C2CD3: variants seen among roughly 807,000 people sequenced by gnomAD.
C2CD3 encodes the protein C2 domain containing 3 centriole elongation regulator.
A neutral mutation model predicts 234.0 loss-of-function variants in C2CD3; 148 were observed. That is an observed-to-expected ratio of 0.63 (90% CI 0.55 to 0.72). The LOEUF is 0.72. C2CD3 is among the 30% of genes least tolerant of loss of function. The pLI, the probability that C2CD3 is intolerant of heterozygous loss-of-function variation, is 0.00. For synonymous variants in C2CD3, 1,000 were observed against 1,035.4 expected (o/e 0.97, Z 0.66); for missense variants, 2,577 against 2,811.5 (o/e 0.92, Z 1.89).
intron 28 of C2CD3, among the ~76,000 whole-genome samples, chr11:74,042,689 G>C (rs1388948403): frequency 6.6e-6 from 1 of 151,872 alleles, no homozygotes; most frequent in African/African-American, 2.4e-5. Flanking sequence ...GGAAGTGGAG[G>C]CTGCAGTGAG....
chr11:74,170,936 C>A lies in C2CD3; in HGVS notation c.-144G>T. ...TGGGAGGCAGGAAAAAGCGACTCTT[C>A]CTCTAACAGTCTCCGGAAAACGGTG... On this transcript the variant is annotated 5_prime_UTR_variant, in exon 1 of 33. Transcript: ENST00000334126. 6.6e-7 allele frequency: 1 copy of A among 1,507,604 alleles called. No individual in the cohort carries two copies. Among genetic ancestry groups the A allele is most frequent in the South Asian group, 1.2e-5 (1 of 80,606 alleles). The allele number at this position is 1,507,604 out of a possible 1,614,324, so 93.4% of individuals were successfully genotyped here.
chr11:74,064,524 C>G (rs1022289497), intron 24 of C2CD3, among the ~76,000 whole-genome samples: 5 of 152,160 alleles, frequency 3.3e-5, no homozygotes, highest in Non-Finnish European at 5.9e-5. Flanking sequence ...TCAATGCCAT[C>G]CACATCAAGC....
intron 32 of C2CD3, among the ~76,000 whole-genome samples, chr11:74,021,147 A>C (rs1441949842): frequency 1.3e-5 from 2 of 152,162 alleles, no homozygotes; most frequent in African/African-American, 2.4e-5. Context: ...GCTACTCAGG[A>C]GGCTGAGGCA....
chr11:74,037,234 A>T (rs184029735), intron 30 of C2CD3, among the ~76,000 whole-genome samples: 6 of 152,168 alleles, frequency 3.9e-5, no homozygotes, highest in East Asian at 1.9e-4. Context: ...CTAAGTCTGT[A>T]CCAGAAGCCC....
rs150116588 is a variant in C2CD3, at chr11:74,037,631, G to T, written c.5728C>A (p.Pro1910Thr). Residue 1910 changes from proline (P) to threonine (T), a missense_variant, in exon 30 of 33, where the codon CCC (proline) becomes ACC (threonine). Physicochemically the swap from Pro to Thr is conservative, Grantham distance 38 (BLOSUM62 -1). Transcript: ENST00000334126. ...FRQKLTKPFL[P>T]LSPQTQTAIS... ...GCCGTTTGAGTCTGAGGGCTGAGGG[G>T]TAGGAAAGGCTTGGTGAGCTTCTGG... is the stretch of plus-strand genomic sequence containing the variant. The T allele has an allele frequency of 1.2e-6, 2 of 1,614,136 alleles. No individual in the cohort carries two copies. The highest frequency in any genetic ancestry group is 1.1e-5 in the South Asian group (1 of 91,084).
At chr11:74,153,046 G>A (rs974653837) in intron 3 of C2CD3, among the ~76,000 whole-genome samples, 1 of 152,018 alleles carries the variant, frequency 6.6e-6, no homozygotes. Context: ...CCAACATAGC[G>A]AAACCCTGTC....
Position 74,057,524 on chromosome 11 carries a change from TC to T in C2CD3, c.4971del (p.Val1659TyrfsTer65). ...ACACAACAACTGGGTATCGATACTT[TC>T]CGCTCTGTCAAGGGGCTCCCTGAAA... ...LSLKGSPLTERKVSIPSCCVS... is the reference protein window; with the variant it reads ...LSLKGSPLTEXKVSIPSCCVS... On this transcript the variant is annotated frameshift_variant, in exon 25 of 33. Coordinates refer to ENST00000334126, the MANE Select transcript of C2CD3 (RefSeq NM_001286577.2). LOFTEE classifies it high-confidence loss of function. 1.2e-6 allele frequency: 2 copies of T among 1,614,184 alleles called. No homozygotes were observed. The highest frequency in any genetic ancestry group is 1.7e-6 in the Non-Finnish European group (2 of 1,180,012).
intron 1 of C2CD3, 115 bp downstream of exon 1, chr11:74,170,623 A>C: frequency 1.3e-3 from 1,300 of 1,004,382 alleles, no homozygotes; most frequent in Non-Finnish European, 1.8e-3. Flanking sequence ...TTCCCTGGCT[A>C]CTTCCTTCTT....
rs553207981 is a variant in C2CD3 at position 74,111,280 on chromosome 11, C to T, written c.1844-2128G>A. ...GGTGCAGAACCATGTACAGGTTGGGCAGCCCTAACCCCAAAACTCAAAATC... is the reference window on the plus strand; with the variant it reads ...GGTGCAGAACCATGTACAGGTTGGGTAGCCCTAACCCCAAAACTCAAAATC... On this transcript the variant is annotated intron_variant, in intron 11 of 32. Coordinates refer to ENST00000334126, the MANE Select transcript of C2CD3 (RefSeq NM_001286577.2). Among the ~76,000 whole-genome samples, 15 of 152,230 alleles carry T rather than the reference C, an allele frequency of 9.9e-5. No homozygotes were observed. The South Asian group carries it at 2.9e-3, about 29-fold the overall frequency.
At chr11:74,058,707 T>C (rs1316834184) in intron 24 of C2CD3, among the ~76,000 whole-genome samples, 4 of 152,010 alleles carry the variant, frequency 2.6e-5, no homozygotes, top group African/African-American at 9.7e-5. Flanking sequence ...GTTTCCAATG[T>C]GGGAGACTTG....
In C2CD3 at chr11:74,090,882, A is replaced by G. The variant is rs745838794; in HGVS notation, c.3572T>C (p.Val1191Ala). The G allele has an allele frequency of 6.2e-7, 1 of 1,614,062 alleles. No homozygotes were observed. Among genetic ancestry groups the G allele is most frequent in the Non-Finnish European group, 8.5e-7 (1 of 1,179,982 alleles). ...YRRSPRTAEG[V>A]LAARTVSISV... ...GATGGAAACAGTTCGGGCAGCAAGA[A>G]CTCCCTCTGCTGTTCTTGGACTACG... Residue 1191 changes from valine to alanine, a missense_variant, in exon 20 of 33, where the codon GTT (valine) becomes GCT (alanine). Transcript: ENST00000334126.
At chr11:74,027,035 G>A (rs1377036300) in intron 32 of C2CD3, among the ~76,000 whole-genome samples, 3 of 151,326 alleles carry the variant, frequency 2.0e-5, no homozygotes, top group Non-Finnish European at 4.4e-5. Context: ...TCAGCCTTTA[G>A]GCATCTCAGT....
intron 32 of C2CD3, among the ~76,000 whole-genome samples, chr11:74,021,671 A>G (rs1177244765): frequency 6.6e-6 from 1 of 152,242 alleles, no homozygotes; most frequent in Non-Finnish European, 1.5e-5. Flanking sequence ...TAATTGACTT[A>G]GGAATATGGA....
At position 74,037,473 on chromosome 11, in the gene C2CD3, C is replaced by A; in HGVS notation, c.5881+5G>T. 1.2e-6 allele frequency: 2 copies of A among 1,608,272 alleles called. No homozygotes were observed. The highest frequency in any genetic ancestry group is 2.2e-5 in the South Asian group (2 of 90,894). ...CATCTCAACAAGAAAGGATCTGAGT[C>A]ATACCTGTGATTAAGGAGCTGACTT... On this transcript the variant is annotated splice_donor_5th_base_variant and intron_variant, in intron 30 of 32. Coordinates refer to ENST00000334126, the MANE Select transcript of C2CD3 (RefSeq NM_001286577.2).
intron 13 of C2CD3, among the ~76,000 whole-genome samples, chr11:74,104,595 TAGTA>T (rs1956441284): frequency 6.6e-6 from 1 of 151,658 alleles, no homozygotes; most frequent in South Asian, 2.1e-4. Flanking sequence ...ATGTGACAAA[TAGTA>T]AGAATTGGGG....
chr11:74,039,567 T>G (rs137986953), intron 29 of C2CD3, among the ~76,000 whole-genome samples: 2 of 152,266 alleles, frequency 1.3e-5, no homozygotes, highest in African/African-American at 4.8e-5. Context: ...TAATAAGCCC[T>G]TCATGGGATT....
chr11:74,049,488 C>T lies in C2CD3; in HGVS notation c.5210G>A (p.Gly1737Asp), dbSNP rs756335590. 8 of 1,613,132 alleles carry T rather than the reference C, an allele frequency of 5.0e-6. No homozygotes were observed. The highest frequency in any genetic ancestry group is 6.8e-6 in the Non-Finnish European group (8 of 1,180,002). ...GTACCAGCCACAGACAAACTGGAAG[C>T]CAGAGAGAAGTGGGGAGAGGTCCAC... is the stretch of plus-strand genomic sequence containing the variant. ...ASVDLSPLLS[G>D]FQFVCGWYNI... The change falls in exon 27 of 33, where the codon GGC (glycine) becomes GAC (aspartate). Residue 1737 changes from glycine (G) to aspartate (D), a missense_variant. Transcript: ENST00000334126.
intron 24 of C2CD3, among the ~76,000 whole-genome samples, chr11:74,060,390 T>A (rs1376350988): frequency 1.3e-5 from 2 of 152,130 alleles, no homozygotes; most frequent in African/African-American, 4.8e-5. Context: ...CTGACACCCA[T>A]ACAGCTGGGT....
intron 3 of C2CD3, among the ~76,000 whole-genome samples, chr11:74,140,498 T>C (rs761931862): frequency 1.3e-5 from 2 of 152,186 alleles, no homozygotes; most frequent in Non-Finnish European, 2.9e-5. Flanking sequence ...ATAGAGAAGA[T>C]AATGTGATTA....
Sources: allele counts gnomAD v4.1 joint callset (sites outside exome capture counted in the v4.1 genomes callset), GRCh38; gene constraint gnomAD v4.1.1; transcripts MANE v1.5; gene names NCBI Gene and HGNC (gene_info 2026-07-23, HGNC 2026-07-21).